Variants in PKD1 observed in about 807,000 individuals in gnomAD.
PKD1 encodes polycystin-1.
A neutral mutation model predicts 361.7 loss-of-function variants in PKD1; 81 were observed. That is an observed-to-expected ratio of 0.22 (90% CI 0.19 to 0.27). The LOEUF (loss-of-function observed/expected upper bound fraction) is 0.27, where lower values mean the gene tolerates loss of function less well. Among genes scored for constraint, PKD1 ranks in the 10% least tolerant of loss-of-function variants. The pLI is 1.00. For missense variants in PKD1, 6,399 were observed against 6,118.3 expected, an observed-to-expected ratio of 1.05 and a Z score of -1.53; for synonymous variants, 3,615 against 2,818.3, an observed-to-expected ratio of 1.28 and a Z score of -8.95.
Position 2,102,709 on chromosome 16 carries a change from G to A in PKD1, c.8949-76C>T, listed in dbSNP as rs542030206. The A allele has an allele frequency of 1.4e-3, 2,285 of 1,606,420 alleles. 11 individuals carry two copies. Among genetic ancestry groups the A allele is most frequent in the Admixed American group, 0.012 (696 of 60,006 alleles). ...TGTCGCAGTCTCAGAGCCCATACCC[G>A]GTCCAGTCCCCTCGCTGCCTGCCGT... On this transcript the variant is annotated intron_variant, in intron 24 of 45. Transcript: ENST00000262304.
rs372298966 is a variant in PKD1 at position 2,108,348 on chromosome 16, G to A, written c.6819C>T (p.Asp2273=). ...AGGACTCGCTCCCATCCAGCACCAG[G>A]TCCCGTGTGTCTGACCACACGCGGT... ...GSYRVWSDTR[D]LVLDGSESYD... Residue 2273 remains aspartate (D), a synonymous_variant, in exon 15 of 46, where the codon GAC becomes GAT. Transcript: ENST00000262304. The A allele has an allele frequency of 1.2e-6, 2 of 1,609,166 alleles. No individual in the cohort carries two copies. Among genetic ancestry groups the A allele is most frequent in the Non-Finnish European group, 8.5e-7 (1 of 1,178,622 alleles).
Position 2,111,765 on chromosome 16 carries a change from A to G in PKD1, c.3402T>C (p.Ser1134=). 6.2e-7 allele frequency: 1 copy of G among 1,606,376 alleles called. No homozygotes were observed. The highest frequency in any genetic ancestry group is 1.1e-5 in the South Asian group (1 of 90,392). ...GCCGGCCGGCCACCAGGACGCCGTC[A>G]CTCACACCCACAGCCACGGAGGGCA... ...ASLPSVAVGV[S]DGVLVAGRPV... The change falls in exon 15 of 46, where the codon AGT becomes AGC. Residue 1134 remains serine (S), a synonymous_variant. Coordinates refer to ENST00000262304, the MANE Select transcript of PKD1 (RefSeq NM_001009944.3).
intron 1 of PKD1, among the ~76,000 whole-genome samples, chr16:2,129,419 C>T (rs2549669): frequency 7.2e-5 from 11 of 151,912 alleles, no homozygotes; most frequent in Non-Finnish European, 1.3e-4. Context: ...TGAGGCACCG[C>T]GCCCGGCTGG....
Position 2,108,603 on chromosome 16 carries a change from C to T in PKD1, c.6564G>A (p.Glu2188=). The T allele has an allele frequency of 2.6e-6, 4 of 1,558,318 alleles. No individual in the cohort carries two copies. In the East Asian group the frequency reaches 7.1e-5, roughly 28 times the overall value. ...GCTGGCAGCTGGCGGTGCGATACAC[C>T]TCCCAGCGGTACTCAGTCTGGTAGG... ...CVTYQTEYRW[E]VYRTASCQRP... is the part of the protein sequence containing the mutation. The change falls in exon 15 of 46, where the codon GAG becomes GAA. Residue 2188 remains glutamate, a synonymous_variant. Coordinates refer to ENST00000262304, the MANE Select transcript of PKD1 (RefSeq NM_001009944.3).
At chr16:2,131,186 G>A (rs2092873594) in intron 1 of PKD1, among the ~76,000 whole-genome samples, 1 of 152,092 alleles carries the variant, frequency 6.6e-6, no homozygotes, top group Non-Finnish European at 1.5e-5. Context: ...ATTGCACAAG[G>A]AAAAAGAGAG....
chr16:2,088,739 T>A lies in PKD1; in HGVS notation c.*988A>T. On this transcript the variant is annotated 3_prime_UTR_variant, in exon 46 of 46. Coordinates refer to ENST00000262304, the MANE Select transcript of PKD1 (RefSeq NM_001009944.3). ...TCAGACAGCTCTTTTATTGACTTTGTCTGCTTGGTGCGGGGGTTGGGGGGG... is the reference window on the plus strand; with the variant it reads ...TCAGACAGCTCTTTTATTGACTTTGACTGCTTGGTGCGGGGGTTGGGGGGG... The A allele has an allele frequency of 1.5e-6, 2 of 1,314,108 alleles. No individual in the cohort carries two copies. The highest frequency in any genetic ancestry group is 2.1e-6 in the Non-Finnish European group (2 of 962,936). The allele number at this position is 1,314,108 out of a possible 1,614,324, so 81.4% of individuals were successfully genotyped here.
chr16:2,119,241 A>C lies in PKD1; in HGVS notation c.288-56T>G, dbSNP rs2092685146. On this transcript the variant is annotated intron_variant, in intron 2 of 45. Transcript: ENST00000262304. ...ATGGAAGCCCCCACAGCTGAGCAGC[A>C]AGAGGCGGTGCCGCCAGCCCACCCG... is the stretch of plus-strand genomic sequence containing the variant. The C allele has an allele frequency of 2.2e-6, 3 of 1,390,146 alleles. No homozygotes were observed. The South Asian group carries it at 3.6e-5, about 16-fold the overall frequency. 86.1% of individuals were successfully genotyped at this position (1,390,146 alleles called of 1,614,324 possible).
chr16:2,117,224 C>T (rs1418474465), intron 6 of PKD1, among the ~76,000 whole-genome samples, 171 bp from the exon 7 acceptor site: 2 of 152,206 alleles, frequency 1.3e-5, no homozygotes, highest in Non-Finnish European at 2.9e-5. Context: ...CACCCACCCA[C>T]GGGGCCTGTG....
At chr16:2,105,204 G>A (rs1321465173) in intron 21 of PKD1, 118 bp downstream of exon 21, 3 of 958,630 alleles carry the variant, frequency 3.1e-6, no homozygotes, top group African/African-American at 1.7e-5. Context: ...CGCCATGGCA[G>A]GAAGGAGCCC....
intron 1 of PKD1, among the ~76,000 whole-genome samples, chr16:2,130,561 G>T (rs1410071567): frequency 6.6e-6 from 1 of 152,236 alleles, no homozygotes; most frequent in Non-Finnish European, 1.5e-5. Flanking sequence ...AGGCCTTGGT[G>T]ACAATCCCTA....
rs746032684 is a variant in PKD1, at chr16:2,116,582, G to C, written c.1669C>G (p.Leu557Val). Residue 557 changes from leucine to valine, a missense_variant, in exon 8 of 46, where the codon CTG becomes GTG. Physicochemically the swap from Leu to Val is conservative, Grantham distance 32 (BLOSUM62 1). Coordinates refer to ENST00000262304, the MANE Select transcript of PKD1 (RefSeq NM_001009944.3). Reference protein sequence around the residue: ...GAPSGDLQGPLTPLAQQDGLS... With the variant: ...GAPSGDLQGPVTPLAQQDGLS... ...CCGTCCTGCTGTGCCAGAGGCGTCA[G>C]GGGTCCCTGCAGGTCCCCACTGGGC... 15 of 1,571,388 alleles carry C rather than the reference G, an allele frequency of 9.5e-6. No individual in the cohort carries two copies. Among genetic ancestry groups the C allele is most frequent in the South Asian group, 5.8e-5 (5 of 86,538 alleles).
chr16:2,099,215 G>A, intron 30 of PKD1: 1 of 348,332 alleles, frequency 2.9e-6, no homozygotes, highest in Non-Finnish European at 5.6e-6. Context: ...GCCCACCTCG[G>A]CCACCTGAAG....
intron 1 of PKD1, among the ~76,000 whole-genome samples, chr16:2,123,896 G>A (rs1237636103): frequency 6.6e-6 from 1 of 152,194 alleles, no homozygotes; most frequent in Non-Finnish European, 1.5e-5. Flanking sequence ...CAAGCTTGTC[G>A]GGAGGAGTAC....
chr16:2,095,095 A>T (rs2091789862), intron 34 of PKD1: 1 of 152,172 alleles, frequency 6.6e-6, no homozygotes, highest in Admixed American at 6.5e-5. Flanking sequence ...CCCTGTCTTT[A>T]CAAAAAATTA....
Position 2,089,819 on chromosome 16 carries a change from G to C in PKD1, c.12820C>G (p.Leu4274Val), listed in dbSNP as rs1390491303. The change falls in exon 46 of 46, where the codon CTT (leucine) becomes GTT (valine). Residue 4274 changes from leucine (L) to valine (V), a missense_variant. Transcript: ENST00000262304. ...PGLRPALPSR[L>V]ARASRGVDLA... ...TCCACACCCCGACTGGCCCGGGCAA[G>C]GCGGCTGGGCAGTGCTGGCCGCAGG... is the stretch of plus-strand genomic sequence containing the variant. 1 of 1,602,016 alleles carries C rather than the reference G, an allele frequency of 6.2e-7. No homozygotes were observed. Among genetic ancestry groups the C allele is most frequent in the East Asian group, 2.2e-5 (1 of 44,512 alleles).
rs937748491 is a variant in PKD1 at position 2,135,517 on chromosome 16, G to C, written c.173C>G (p.Thr58Arg). 8.6e-7 allele frequency: 1 copy of C among 1,167,358 alleles called. No individual in the cohort carries two copies. The highest frequency in any genetic ancestry group is 1.6e-5 in the African/African-American group (1 of 61,886). The allele number at this position is 1,167,358 out of a possible 1,614,324, so 72.3% of individuals were successfully genotyped here. ...RVNCSGRGLRTLGPALRIPAD... is the reference protein window; with the variant it reads ...RVNCSGRGLRRLGPALRIPAD... Reference sequence around the variant, plus strand: ...GGGGATGCGCAGCGCGGGACCGAGCGTCCGCAGCCCGCGGCCCGAGCAGTT... The same window carrying C: ...GGGGATGCGCAGCGCGGGACCGAGCCTCCGCAGCCCGCGGCCCGAGCAGTT... The change falls in exon 1 of 46, where the codon ACG (threonine) becomes AGG (arginine). Residue 58 changes from threonine to arginine, a missense_variant. Coordinates refer to ENST00000262304, the MANE Select transcript of PKD1 (RefSeq NM_001009944.3).
chr16:2,102,875 T>C lies in PKD1; in HGVS notation c.8887A>G (p.Ile2963Val). The C allele has an allele frequency of 1.2e-6, 2 of 1,610,210 alleles. No homozygotes were observed. The highest frequency in any genetic ancestry group is 1.3e-5 in the African/African-American group (1 of 74,950). The part of the protein sequence containing the change: ...NEHNCSASRR[I>V]RPESLQGADH... ...GCACCCTGGAGTGACTCTGGGCGGA[T>C]CCTCCTGCTAGCCGAGCAGTTGTGC... The change falls in exon 24 of 46, where the codon ATC (isoleucine) becomes GTC (valine). Residue 2963 changes from isoleucine (I) to valine (V), a missense_variant. Coordinates refer to ENST00000262304, the MANE Select transcript of PKD1 (RefSeq NM_001009944.3).
chr16:2,093,534 CCAGGCT>C lies in PKD1; in HGVS notation c.11016+4_11016+9del. On this transcript the variant is annotated splice_donor_5th_base_variant and intron_variant, in intron 37 of 45. Coordinates refer to ENST00000262304, the MANE Select transcript of PKD1 (RefSeq NM_001009944.3). ...GAGGTGGCAGGGGCACAGGCCGCAC[CCAGGCT>C]CACCCGCAGCATGCCATGTAGCCTC... 1 of 1,591,520 alleles carries C rather than the reference CCAGGCT, an allele frequency of 6.3e-7. No individual in the cohort carries two copies. The highest frequency in any genetic ancestry group is 8.6e-7 in the Non-Finnish European group (1 of 1,169,078).
chr16:2,124,240 C>T (rs371401724), intron 1 of PKD1, among the ~76,000 whole-genome samples: 4 of 152,228 alleles, frequency 2.6e-5, no homozygotes, highest in African/African-American at 9.6e-5. Flanking sequence ...CCTGCCGGCC[C>T]GAGGTAGCTG....
Sources: allele counts gnomAD v4.1 joint callset (sites outside exome capture counted in the v4.1 genomes callset), GRCh38; gene constraint gnomAD v4.1.1; transcripts MANE v1.5; gene names NCBI Gene and HGNC (gene_info 2026-07-23, HGNC 2026-07-21).